Variants in SYT1 observed in about 807,000 individuals in gnomAD.
SYT1 encodes the protein synaptotagmin 1.
Under a neutral mutation model 44.8 loss-of-function variants are expected in SYT1, and 8 were observed. The ratio of observed to expected loss-of-function variants is 0.18; its 90% CI spans 0.10 to 0.32. The LOEUF (loss-of-function observed/expected upper bound fraction) is 0.32, where lower values mean the gene tolerates loss of function less well. Among genes scored for constraint, SYT1 ranks in the 10% least tolerant of loss-of-function variants. SYT1 has a pLI of 1.00. For missense variants in SYT1, 286 were observed against 509.3 expected (o/e 0.56, Z 4.22); for synonymous variants, 154 against 188.8 (o/e 0.82, Z 1.51).
intron 2 of SYT1, among the ~76,000 whole-genome samples, chr12:79,034,147 C>T (rs1731072919): frequency 6.6e-6 from 1 of 151,320 alleles, no homozygotes; most frequent in African/African-American, 2.4e-5. Context: ...AGGCAAAAGC[C>T]CCAGGAAAAC....
chr12:78,872,733 G>A (rs1314701992), intron 1 of SYT1, among the ~76,000 whole-genome samples: 1 of 151,584 alleles, frequency 6.6e-6, no homozygotes, highest in African/African-American at 2.4e-5. Flanking sequence ...TTCACCAGCT[G>A]AATTAATTTG....
At chr12:79,347,219 C>A (rs1298700476) in intron 8 of SYT1, among the ~76,000 whole-genome samples, 1 of 151,886 alleles carries the variant, frequency 6.6e-6, no homozygotes, top group African/African-American at 2.4e-5. Context: ...AATCTTTGTA[C>A]CATCTTCATG....
chr12:79,124,300 T>C (rs1868335736), intron 3 of SYT1, among the ~76,000 whole-genome samples: 1 of 152,042 alleles, frequency 6.6e-6, no homozygotes, highest in African/African-American at 2.4e-5. Flanking sequence ...TGTTTTAATA[T>C]ACCCTTCGCA....
At chr12:78,938,090 TA>T (rs146237699) in intron 1 of SYT1, among the ~76,000 whole-genome samples, 5,363 of 152,262 alleles carry the variant, frequency 0.035, 245 homozygotes, top group East Asian at 0.16. Flanking sequence ...CAACTAGGGC[TA>T]AAAATAATTT....
chr12:79,147,330 A>G (rs895754120), intron 3 of SYT1, among the ~76,000 whole-genome samples: 1 of 152,284 alleles, frequency 6.6e-6, no homozygotes, highest in Admixed American at 6.5e-5. Context: ...TGAAAAGGAA[A>G]GACAGGCCTT....
chr12:79,179,600 A>ATAG (rs1872386549), intron 3 of SYT1, among the ~76,000 whole-genome samples: 1 of 148,518 alleles, frequency 6.7e-6, no homozygotes, highest in African/African-American at 2.5e-5. Context: ...GATTTTTTTT[A>ATAG]ATAGAGACGG....
intron 8 of SYT1, among the ~76,000 whole-genome samples, chr12:79,352,404 T>A (rs1294704279): frequency 2.0e-5 from 3 of 152,132 alleles, no homozygotes; most frequent in Admixed American, 2.0e-4. Flanking sequence ...TCTGCAGAAG[T>A]CTGACATAAC....
intron 9 of SYT1, among the ~76,000 whole-genome samples, chr12:79,386,794 C>T (rs1884451961): frequency 6.6e-6 from 1 of 152,166 alleles, no homozygotes; most frequent in Non-Finnish European, 1.5e-5. Context: ...CCTCGTGCAT[C>T]CATGGGTCTG....
chr12:79,236,480 A>T (rs1344091806), intron 4 of SYT1, among the ~76,000 whole-genome samples: 1 of 152,078 alleles, frequency 6.6e-6, no homozygotes, highest in Non-Finnish European at 1.5e-5. Flanking sequence ...GTATAGTCAA[A>T]CCTCCCTATC....
intron 3 of SYT1, among the ~76,000 whole-genome samples, chr12:79,161,715 A>G (rs1014575063): frequency 6.6e-6 from 1 of 152,148 alleles, no homozygotes; most frequent in African/African-American, 2.4e-5. Flanking sequence ...CAGAGCTAGT[A>G]AGTGACTGAG....
chr12:78,953,580 T>A (rs944269370), intron 1 of SYT1, among the ~76,000 whole-genome samples: 1 of 152,086 alleles, frequency 6.6e-6, no homozygotes, highest in South Asian at 2.1e-4. Context: ...GAAATGGAAA[T>A]AATGCACAAG....
intron 2 of SYT1, among the ~76,000 whole-genome samples, chr12:79,004,438 C>G (rs1254987780): frequency 6.6e-6 from 1 of 151,914 alleles, no homozygotes; most frequent in Admixed American, 6.6e-5. Context: ...TTTTATTATA[C>G]TATCGTTTTC....
intron 1 of SYT1, among the ~76,000 whole-genome samples, chr12:78,899,273 A>C (rs1392195050): frequency 2.0e-5 from 3 of 151,526 alleles, no homozygotes; most frequent in Non-Finnish European, 4.4e-5. Context: ...GTACTAGAAC[A>C]GTGCCTGACA....
chr12:79,156,465 G>C (rs200379583), intron 3 of SYT1, among the ~76,000 whole-genome samples: 2 of 147,092 alleles, frequency 1.4e-5, no homozygotes, highest in East Asian at 2.2e-4. Context: ...TGTTGTTGTT[G>C]TTGTTCTTGT....
chr12:78,972,948 C>A (rs1272199504), intron 1 of SYT1, among the ~76,000 whole-genome samples: 1 of 152,078 alleles, frequency 6.6e-6, no homozygotes, highest in African/African-American at 2.4e-5. Context: ...TTGAATCTTA[C>A]TCTACAATAA....
intron 9 of SYT1, among the ~76,000 whole-genome samples, chr12:79,367,316 G>C (rs929276622): frequency 6.6e-6 from 1 of 152,198 alleles, no homozygotes; most frequent in African/African-American, 2.4e-5. Context: ...ATGAACCACC[G>C]CAAGTTGGAA....
intron 3 of SYT1, among the ~76,000 whole-genome samples, chr12:79,183,916 C>T (rs183344253): frequency 1.4e-4 from 22 of 152,168 alleles, no homozygotes; most frequent in Admixed American, 2.6e-4. Context: ...ATTACAATTC[C>T]TTTGCAGTGT....
chr12:79,215,525 T>C (rs1874731636), intron 3 of SYT1, among the ~76,000 whole-genome samples: 1 of 152,048 alleles, frequency 6.6e-6, no homozygotes, highest in South Asian at 2.1e-4. Flanking sequence ...AATGGAAAAT[T>C]AAAAACTTAA....
intron 1 of SYT1, among the ~76,000 whole-genome samples, chr12:78,876,817 T>TAATATGTATTA (rs372012277): frequency 6.6e-5 from 2 of 30,288 alleles, no homozygotes; most frequent in African/African-American, 4.1e-4. Context: ...GTAATACATA[T>TAATATGTATTA]CATATATTAT....
Sources: gnomAD v4.1 joint callset for allele counts (sites outside exome capture counted in the v4.1 genomes callset) on GRCh38, gnomAD v4.1.1 for gene constraint, MANE v1.5 for transcripts, NCBI Gene and HGNC (gene_info 2026-07-23, HGNC 2026-07-21) for gene names.